Variants in ACSF3 observed in about 807,000 individuals in gnomAD.
The protein encoded by ACSF3 is malonate--CoA ligase ACSF3, mitochondrial.
A neutral mutation model predicts 53.2 loss-of-function variants in ACSF3; 78 were observed. The observed-to-expected ratio is 1.47, with a 90% confidence interval of 1.22 to 1.77. The LOEUF is 1.77. Ranked by LOEUF, ACSF3 falls within the 40% of genes most tolerant of loss-of-function variation. The pLI is 0.00. For missense variants in ACSF3, 937 were observed against 771.1 expected, an observed-to-expected ratio of 1.22 and a Z score of -2.55; for synonymous variants, 414 against 333.1, an observed-to-expected ratio of 1.24 and a Z score of -2.65.
chr16:89,122,556 A>C (rs1906916584), intron 7 of ACSF3: 1 of 318,174 alleles, frequency 3.1e-6, no homozygotes, highest in Non-Finnish European at 6.5e-6. Flanking sequence ...CAGCTCAGCC[A>C]GTTCCAACCC....
rs538775193 is a variant in ACSF3, at chr16:89,116,766, C to G, written c.1126+2279C>G. 6.0e-4 allele frequency among the ~76,000 whole-genome samples: 91 copies of G among 152,176 alleles called. 1 individual carries two copies. The highest frequency in any genetic ancestry group is 5.8e-3 in the Admixed American group (89 of 15,278). On this transcript the variant is annotated intron_variant, in intron 6 of 10. Transcript: ENST00000614302. ...GGAAACCGCCGTCAGTGCTGGTGGC[C>G]CCTGCCCTGGGCCGGCTCCCGCGTT...
At chr16:89,102,367 C>T (rs1474077507) in intron 3 of ACSF3, 12 of 584,158 alleles carry the variant, frequency 2.1e-5, no homozygotes, top group South Asian at 1.9e-4. Context: ...CCTAAAGCCT[C>T]TGGCTGTGTG....
At chr16:89,121,715 C>T (rs1906696265) in intron 7 of ACSF3, among the ~76,000 whole-genome samples, 1 of 152,220 alleles carries the variant, frequency 6.6e-6, no homozygotes, top group Non-Finnish European at 1.5e-5. Flanking sequence ...CTCTGTGACA[C>T]CATCTTGGCC....
chr16:89,117,600 G>A (rs1905379549), intron 6 of ACSF3, among the ~76,000 whole-genome samples: 2 of 151,630 alleles, frequency 1.3e-5, no homozygotes, highest in African/African-American at 4.8e-5. Context: ...TGTCTACACT[G>A]AGAGCGTCAG....
At chr16:89,103,171 G>A (rs1269883987) in intron 4 of ACSF3, among the ~76,000 whole-genome samples, 1 of 152,348 alleles carries the variant, frequency 6.6e-6, no homozygotes, top group African/African-American at 2.4e-5. Context: ...AGTGGGCCAC[G>A]CGTCATTGAA....
At chr16:89,126,079 CA>C (rs1908025839) in intron 7 of ACSF3, among the ~76,000 whole-genome samples, 1 of 152,256 alleles carries the variant, frequency 6.6e-6, no homozygotes, top group Non-Finnish European at 1.5e-5. Context: ...TTACTTAGAT[CA>C]GTGAACATGG....
intron 10 of ACSF3, chr16:89,147,684 A>G (rs980496385): frequency 2.6e-5 from 4 of 151,968 alleles, no homozygotes; most frequent in African/African-American, 9.7e-5. Context: ...TGATGCAGTC[A>G]CCTCCCACCA....
At chr16:89,150,911 G>GT in intron 10 of ACSF3, 1 of 1,089,058 alleles carries the variant, frequency 9.2e-7, no homozygotes, top group Non-Finnish European at 1.2e-6. Context: ...GCAGGAGGAA[G>GT]TAAGTTAGAG....
rs1485054589 is a variant in ACSF3, at chr16:89,100,878, A to G, written c.197A>G (p.His66Arg). The G allele has an allele frequency of 1.9e-6, 3 of 1,613,766 alleles. No homozygotes were observed. Among genetic ancestry groups the G allele is most frequent in the Non-Finnish European group, 1.7e-6 (2 of 1,180,014 alleles). ...RIALVDQHGR[H>R]TYRELYSRSL... The stretch of plus-strand genomic sequence containing the variant: ...GCCCTGGTTGACCAGCACGGCCGCC[A>G]CACGTACAGGGAGCTTTATTCCCGC... Residue 66 changes from histidine to arginine, a missense_variant, in exon 3 of 11, where the codon CAC (histidine) becomes CGC (arginine). By Grantham distance (29) the His-to-Arg change is conservative (BLOSUM62 0). Transcript: ENST00000614302.
intron 8 of ACSF3, among the ~76,000 whole-genome samples, chr16:89,136,116 T>C (rs1394792656): frequency 6.6e-6 from 1 of 152,240 alleles, no homozygotes; most frequent in African/African-American, 2.4e-5. Flanking sequence ...TGAAGACGTT[T>C]TCTTCTTTGA....
chr16:89,102,562 C>T (rs371402253), intron 3 of ACSF3, 42 bp from the exon 4 acceptor site: 40 of 1,610,926 alleles, frequency 2.5e-5, no homozygotes, highest in African/African-American at 4.0e-5. Context: ...TTGCGGGCCA[C>T]AGTCTTGCTC....
At chr16:89,152,699 T>C (rs1467683596) in intron 10 of ACSF3, 1 of 152,128 alleles carries the variant, frequency 6.6e-6, no homozygotes, top group African/African-American at 2.4e-5. Context: ...TGTCATAGTT[T>C]TATACAACTA....
intron 8 of ACSF3, among the ~76,000 whole-genome samples, chr16:89,142,588 GACACAGCCACACCTGCAGAC>G (rs1341320206): frequency 7.1e-6 from 1 of 140,930 alleles, no homozygotes; most frequent in South Asian, 2.4e-4. Flanking sequence ...CACCTGCAGA[GACACAGCCACACCTGCAGAC>G]ACACCCACAC....
chr16:89,119,071 T>C (rs1344350372), intron 6 of ACSF3, among the ~76,000 whole-genome samples: 1 of 151,744 alleles, frequency 6.6e-6, no homozygotes, highest in African/African-American at 2.4e-5. Flanking sequence ...GGGTGGCACC[T>C]GGAGTGTGGG....
rs888054663 is a variant in ACSF3 at position 89,156,113 on chromosome 16, A to G, written c.*1906A>G. On this transcript the variant is annotated 3_prime_UTR_variant, in exon 11 of 11. Transcript: ENST00000614302. The stretch of plus-strand genomic sequence containing the variant: ...GCCAGGCTGGTCGGCCTTCGTGCAC[A>G]CAGTCCGCCAGTGCCCAGCCAGGCC... Among the ~76,000 whole-genome samples, 1 of 152,120 alleles carries G rather than the reference A, an allele frequency of 6.6e-6. No homozygotes were observed. The highest frequency in any genetic ancestry group is 1.5e-5 in the Non-Finnish European group (1 of 68,002).
At chr16:89,127,975 C>T (rs779114340) in intron 7 of ACSF3, among the ~76,000 whole-genome samples, 2 of 151,994 alleles carry the variant, frequency 1.3e-5, no homozygotes, top group African/African-American at 4.8e-5. Flanking sequence ...TCTTTGTTAT[C>T]CTTGCTAGAA....
At chr16:89,135,722 T>C (rs1224259114) in intron 8 of ACSF3, among the ~76,000 whole-genome samples, 1 of 152,238 alleles carries the variant, frequency 6.6e-6, no homozygotes, top group African/African-American at 2.4e-5. Context: ...ATCCCTCCAG[T>C]GCCCTCTGAA....
intron 10 of ACSF3, among the ~76,000 whole-genome samples, chr16:89,146,742 C>T (rs1913038657): frequency 6.6e-6 from 1 of 152,180 alleles, no homozygotes; most frequent in Non-Finnish European, 1.5e-5. Flanking sequence ...TTACCTTACC[C>T]AGAACCTTTC....
intron 2 of ACSF3, 93 bp from the exon 3 acceptor site, chr16:89,100,568 TG>T: frequency 7.9e-7 from 1 of 1,259,938 alleles, no homozygotes; most frequent in Non-Finnish European, 1.1e-6. Flanking sequence ...CAGGCGTACC[TG>T]GCTGGGTACT....
Sources: allele counts gnomAD v4.1 joint callset (sites outside exome capture counted in the v4.1 genomes callset), GRCh38; gene constraint gnomAD v4.1.1; transcripts MANE v1.5; gene names NCBI Gene and HGNC (gene_info 2026-07-23, HGNC 2026-07-21).